TTC7A: variants seen among roughly 807,000 people sequenced by gnomAD.
TTC7A encodes the protein tetratricopeptide repeat domain 7A.
Under a neutral mutation model 103.7 loss-of-function variants are expected in TTC7A, and 110 were observed. That is an observed-to-expected ratio of 1.06 (90% CI 0.91 to 1.24). TTC7A has a LOEUF of 1.24. Among genes scored for constraint, TTC7A ranks in the 50% most tolerant of loss-of-function variants. TTC7A has a pLI of 0.00. For synonymous variants in TTC7A, 521 were observed against 467.9 expected (o/e 1.11, Z -1.47); for missense variants, 1,340 against 1,116.3 (o/e 1.20, Z -2.86).
At chr2:46,980,710 C>A (rs944969437) in intron 5 of TTC7A, among the ~76,000 whole-genome samples, 12 of 152,200 alleles carry the variant, frequency 7.9e-5, no homozygotes, top group Non-Finnish European at 1.8e-4. Context: ...GAGGCTCAGT[C>A]CCATGAAAGA....
At chr2:47,027,985 G>T (rs916162609) in intron 14 of TTC7A, among the ~76,000 whole-genome samples, 1 of 152,214 alleles carries the variant, frequency 6.6e-6, no homozygotes, top group Non-Finnish European at 1.5e-5. Context: ...GGGCCCATGG[G>T]GTGGGGAGCT....
chr2:46,976,174 G>A (rs1673858663), intron 4 of TTC7A, among the ~76,000 whole-genome samples: 1 of 152,258 alleles, frequency 6.6e-6, no homozygotes, highest in African/African-American at 2.4e-5. Flanking sequence ...ACAGCTCCAA[G>A]CACTTTACAT....
chr2:46,932,395 C>G (rs907640261), intron 2 of TTC7A, among the ~76,000 whole-genome samples: 1 of 152,160 alleles, frequency 6.6e-6, no homozygotes, highest in Non-Finnish European at 1.5e-5. Flanking sequence ...ATGATCCTCG[C>G]ACCTTGGCCT....
Position 46,998,931 on chromosome 2 carries a change from A to T in TTC7A, c.1065+3732A>T, listed in dbSNP as rs139601379. 3.9e-5 allele frequency among the ~76,000 whole-genome samples: 6 copies of T among 152,346 alleles called. No individual in the cohort carries two copies. In the South Asian group the frequency reaches 1.2e-3, roughly 32 times the overall value. ...CACAGGAATGCAAGGAGGATATAAG[A>T]TATAACTGGTTGAAGATGATTTCTG... is the stretch of plus-strand genomic sequence containing the variant. On this transcript the variant is annotated intron_variant, in intron 8 of 19. Transcript: ENST00000319190.
chr2:46,952,963 A>G (rs980004253), intron 2 of TTC7A, among the ~76,000 whole-genome samples: 1 of 152,198 alleles, frequency 6.6e-6, no homozygotes, highest in Non-Finnish European at 1.5e-5. Flanking sequence ...CCATGCCAGT[A>G]TTGTCTCATT....
rs1296834379 is a variant in TTC7A at position 46,968,142 on chromosome 2, A to T, written c.518-6831A>T. Among the ~76,000 whole-genome samples, 3 of 152,302 alleles carry T rather than the reference A, an allele frequency of 2.0e-5. No individual in the cohort carries two copies. The East Asian group carries it at 5.8e-4, about 29-fold the overall frequency. On this transcript the variant is annotated intron_variant, in intron 3 of 19. Coordinates refer to ENST00000319190, the MANE Select transcript of TTC7A (RefSeq NM_020458.4). ...TGTGATGAGTCATTCAGACTGAAGGAGTTGGGACCAGCCTGGTGTTGGGCC... is the reference window on the plus strand; with the variant it reads ...TGTGATGAGTCATTCAGACTGAAGGTGTTGGGACCAGCCTGGTGTTGGGCC...
At chr2:46,944,618 G>A (rs1670774586) in intron 1 of TTC7A, among the ~76,000 whole-genome samples, 1 of 152,110 alleles carries the variant, frequency 6.6e-6, no homozygotes, top group African/African-American at 2.4e-5. Flanking sequence ...AGCTGTTTGG[G>A]AGGCCAAGAC....
chr2:47,041,751 C>G (rs573257738), intron 15 of TTC7A, among the ~76,000 whole-genome samples: 135 of 142,216 alleles, frequency 9.5e-4, no homozygotes, highest in Middle Eastern at 3.6e-3. Flanking sequence ...AAAACTCCGT[C>G]TCAAAAAAAA....
At chr2:46,920,356 G>A (rs1007593568) in intron 2 of TTC7A, among the ~76,000 whole-genome samples, 6 of 151,828 alleles carry the variant, frequency 4.0e-5, no homozygotes, top group African/African-American at 7.3e-5. Flanking sequence ...TTGAGACAGA[G>A]TCTTGCTCAA....
intron 15 of TTC7A, among the ~76,000 whole-genome samples, chr2:47,031,853 G>A (rs542042775): frequency 2.0e-5 from 3 of 152,230 alleles, no homozygotes; most frequent in Non-Finnish European, 4.4e-5. Flanking sequence ...TGCAGCCCAG[G>A]CTGTGTGAGG....
exon 2 of TTC7A, chr2:46,917,215 G>A (rs531690663): frequency 4.3e-6 from 3 of 699,704 alleles, no homozygotes; most frequent in South Asian, 1.5e-5. Context: ...AGCTCGTCTC[G>A]AACTCCTGGG....
chr2:46,935,007 G>T (rs888495872), intron 2 of TTC7A, among the ~76,000 whole-genome samples: 15 of 151,828 alleles, frequency 9.9e-5, no homozygotes, highest in African/African-American at 3.6e-4. Context: ...CATCATGTTG[G>T]CCAGGATGGT....
intron 10 of TTC7A, among the ~76,000 whole-genome samples, chr2:47,010,316 TG>T (rs1334466227): frequency 1.3e-5 from 2 of 152,222 alleles, no homozygotes; most frequent in Non-Finnish European, 2.9e-5. Context: ...TGCACATGGC[TG>T]TGTTCCAGTA....
Position 46,941,802 on chromosome 2 carries a change from C to A in TTC7A, c.184+77C>A. ...GCCTCCTCCAGGAAGCGCGCCCAGA[C>A]AGTCCTCGGCCGACAGCGGGCGCCT... On this transcript the variant is annotated intron_variant, in intron 1 of 19. Transcript: ENST00000319190. The surrounding 1 kb of genome is among the most constrained non-coding windows in gnomAD (Gnocchi z 4.2). 3 of 1,521,778 alleles carry A rather than the reference C, an allele frequency of 2.0e-6. No homozygotes were observed. The highest frequency in any genetic ancestry group is 2.7e-6 in the Non-Finnish European group (3 of 1,127,894). The allele number at this position is 1,521,778 out of a possible 1,614,324, so 94.3% of individuals were successfully genotyped here.
At chr2:47,006,162 C>T (rs1031754763) in intron 9 of TTC7A, 103 bp downstream of exon 9, 2 of 1,482,082 alleles carry the variant, frequency 1.3e-6, no homozygotes, top group African/African-American at 2.8e-5. Flanking sequence ...ATTCCCCTGC[C>T]AGGCTGCTCT....
At chr2:46,957,117 C>T (rs1671943571) in intron 3 of TTC7A, 110 bp downstream of exon 3, 1 of 1,400,552 alleles carries the variant, frequency 7.1e-7, no homozygotes, top group Non-Finnish European at 9.9e-7. Flanking sequence ...CTGGTAGTGC[C>T]CATGCCCTGG....
intron 18 of TTC7A, among the ~76,000 whole-genome samples, chr2:47,053,293 G>T (rs56139747): frequency 0.038 from 5,797 of 152,282 alleles, 156 homozygotes; most frequent in South Asian, 0.072. Context: ...GGTTCCCGTC[G>T]TCTTCTAAGA....
At chr2:46,998,415 C>G (rs1295584592) in intron 8 of TTC7A, among the ~76,000 whole-genome samples, 1 of 152,146 alleles carries the variant, frequency 6.6e-6, no homozygotes, top group Non-Finnish European at 1.5e-5. Flanking sequence ...CATTCTTGAT[C>G]AGTGAGAGGA....
At chr2:47,029,164 T>TC (rs1427746751) in intron 14 of TTC7A, 60 bp from the exon 15 acceptor site, 13 of 1,592,022 alleles carry the variant, frequency 8.2e-6, no homozygotes, top group Non-Finnish European at 1.1e-5. Flanking sequence ...GGCACGTGGC[T>TC]CCTGAGTCCC....
Sources: allele counts gnomAD v4.1 joint callset (sites outside exome capture counted in the v4.1 genomes callset), GRCh38; gene constraint gnomAD v4.1.1; non-coding constraint Gnocchi (gnomAD v3.1); transcripts MANE v1.5; gene names NCBI Gene and HGNC (gene_info 2026-07-23, HGNC 2026-07-21).